The following FRY variants were observed in gnomAD, a reference collection of about 807,000 sequenced individuals.
FRY encodes FRY microtubule binding protein, also known as protein furry homolog.
In FRY, 128 loss-of-function variants were observed where a neutral mutation model predicts 348.4. The observed-to-expected ratio is 0.37, with a 90% confidence interval of 0.32 to 0.43. The LOEUF (loss-of-function observed/expected upper bound fraction) is 0.43, where lower values mean the gene tolerates loss of function less well. Among genes scored for constraint, FRY ranks in the 20% least tolerant of loss-of-function variants. The pLI, the probability that FRY is intolerant of heterozygous loss-of-function variation, is 1.00. For synonymous variants in FRY, 1,370 were observed against 1,374.7 expected, an observed-to-expected ratio of 1.00 and a Z score of 0.08; for missense variants, 2,736 against 3,695.2, an observed-to-expected ratio of 0.74 and a Z score of 6.73.
chr13:32,269,462 G>A (rs12874378), intron 55 of FRY, among the ~76,000 whole-genome samples: 72,826 of 152,090 alleles, frequency 0.48, 19,121 homozygotes, highest in Middle Eastern at 0.67. Context: ...AGGCCGAGGT[G>A]GGAGGACCAC....
At chr13:32,135,249 A>C (rs2138775609) in intron 10 of FRY, 66 bp downstream of exon 10, 1 of 1,003,980 alleles carries the variant, frequency 1.0e-6, no homozygotes, top group South Asian at 1.3e-5. Flanking sequence ...CTAGACAGGA[A>C]TCTGTTTGAG....
intron 46 of FRY, among the ~76,000 whole-genome samples, chr13:32,242,004 A>G (rs898992592): frequency 3.9e-5 from 6 of 152,116 alleles, no homozygotes; most frequent in African/African-American, 1.4e-4. Context: ...CTGTGTGTGT[A>G]TATTTCTATG....
At chr13:32,066,326 A>G (rs527667407) in intron 1 of FRY, among the ~76,000 whole-genome samples, 8 of 152,234 alleles carry the variant, frequency 5.3e-5, no homozygotes, top group Non-Finnish European at 1.0e-4. Flanking sequence ...ATGTTTTGAA[A>G]GCATGATGAA....
intron 1 of FRY, among the ~76,000 whole-genome samples, chr13:32,077,664 A>C (rs1293197358): frequency 6.6e-6 from 1 of 152,246 alleles, no homozygotes; most frequent in Non-Finnish European, 1.5e-5. Flanking sequence ...ACTTGGCTTG[A>C]GACAGAAAGA....
chr13:32,278,916 A>G (rs1888679374), intron 58 of FRY, among the ~76,000 whole-genome samples: 1 of 152,220 alleles, frequency 6.6e-6, no homozygotes, highest in Admixed American at 6.5e-5. Context: ...TCAACCTTTC[A>G]GCAGTCACTC....
chr13:32,280,882 G>A (rs1395131745), intron 58 of FRY, among the ~76,000 whole-genome samples: 6 of 152,130 alleles, frequency 3.9e-5, no homozygotes, highest in African/African-American at 7.2e-5. Context: ...TTTAAAATAC[G>A]TATTTCTGTT....
intron 58 of FRY, among the ~76,000 whole-genome samples, chr13:32,289,129 A>G (rs1889213354): frequency 6.6e-6 from 1 of 152,188 alleles, no homozygotes; most frequent in Non-Finnish European, 1.5e-5. Flanking sequence ...TCTTTAATTC[A>G]ACAAGTATTT....
rs1271937940 is a variant in FRY at position 32,236,059 on chromosome 13, A to G, written c.5716-19A>G. On this transcript the variant is annotated intron_variant, in intron 42 of 60. Coordinates refer to ENST00000542859, the MANE Select transcript of FRY (RefSeq NM_023037.3). The stretch of plus-strand genomic sequence containing the variant: ...ATGGTTACAAGCAATACAAAATGCT[A>G]TCTTTGCATGTTTGGCAGGGTTATG... The G allele has an allele frequency of 1.3e-6, 2 of 1,556,202 alleles. No individual in the cohort carries two copies. The highest frequency in any genetic ancestry group is 2.2e-5 in the East Asian group (1 of 44,594).
chr13:32,159,449 T>C (rs1881319496), intron 16 of FRY, among the ~76,000 whole-genome samples: 1 of 152,110 alleles, frequency 6.6e-6, no homozygotes, highest in African/African-American at 2.4e-5. Context: ...CTTTTGTGGT[T>C]CATGCTAGTA....
chr13:32,078,670 A>G (rs1875269817), intron 1 of FRY, among the ~76,000 whole-genome samples, 164 bp from the exon 2 acceptor site: 1 of 152,230 alleles, frequency 6.6e-6, no homozygotes, highest in South Asian at 2.1e-4. Context: ...TATAATGAAA[A>G]TAATAAAATT....
intron 55 of FRY, among the ~76,000 whole-genome samples, chr13:32,268,915 T>G (rs1228433386): frequency 6.6e-6 from 1 of 152,152 alleles, no homozygotes; most frequent in Non-Finnish European, 1.5e-5. Flanking sequence ...TAGACAGAAC[T>G]CCCACGGATA....
At chr13:32,189,298 G>A (rs1219282984) in intron 28 of FRY, among the ~76,000 whole-genome samples, 1 of 151,950 alleles carries the variant, frequency 6.6e-6, no homozygotes, top group East Asian at 1.9e-4. Flanking sequence ...GTTCAGACAT[G>A]TTATAACAAG....
In FRY at chr13:32,195,391, G is replaced by C. The variant is rs982751053; in HGVS notation, c.3746+1094G>C. 2.6e-4 allele frequency among the ~76,000 whole-genome samples: 40 copies of C among 152,034 alleles called. 1 individual carries two copies. Among genetic ancestry groups the C allele is most frequent in the Non-Finnish European group, 7.4e-5 (5 of 67,986 alleles). The stretch of plus-strand genomic sequence containing the variant: ...GGAACATTGTTACAAAAATCTCTTT[G>C]TCCAGAGTGCTTTTTTTTAAATTTT... On this transcript the variant is annotated intron_variant, in intron 29 of 60. Coordinates refer to ENST00000542859, the MANE Select transcript of FRY (RefSeq NM_023037.3).
intron 55 of FRY, among the ~76,000 whole-genome samples, chr13:32,267,938 C>T: frequency 6.6e-6 from 1 of 152,224 alleles, no homozygotes; most frequent in East Asian, 1.9e-4. Flanking sequence ...AGTCTAACTA[C>T]TGCCTCTCCC....
At chr13:32,099,467 T>C (rs1168626321) in intron 2 of FRY, among the ~76,000 whole-genome samples, 1 of 151,864 alleles carries the variant, frequency 6.6e-6, no homozygotes, top group East Asian at 1.9e-4. Flanking sequence ...GAATTAGCAA[T>C]ATATATTATT....
chr13:32,170,215 C>T (rs9315157), intron 17 of FRY, among the ~76,000 whole-genome samples: 18,286 of 152,182 alleles, frequency 0.12, 1,243 homozygotes, highest in East Asian at 0.26. Context: ...GTTCCTCATC[C>T]TTAAGAATAG....
At chr13:32,113,483 C>A (rs1208536013) in intron 3 of FRY, among the ~76,000 whole-genome samples, 1 of 152,192 alleles carries the variant, frequency 6.6e-6, no homozygotes, top group Non-Finnish European at 1.5e-5. Flanking sequence ...AACATTAAAA[C>A]ATTTACAAAG....
At chr13:32,048,934 T>TA (rs1381382854) in intron 1 of FRY, among the ~76,000 whole-genome samples, 3 of 152,294 alleles carry the variant, frequency 2.0e-5, no homozygotes, top group African/African-American at 4.8e-5. Flanking sequence ...ATTAAATGCT[T>TA]ACATGTGTAG....
Position 32,286,121 on chromosome 13 carries a change from G to T in FRY, c.8470-3512G>T, listed in dbSNP as rs1294558802. ...CTTGGAGGATAGGGTAGGGCTTGTT[G>T]GTGGCAGTCCTTTAATTACATTTGT... On this transcript the variant is annotated intron_variant, in intron 58 of 60. Coordinates refer to ENST00000542859, the MANE Select transcript of FRY (RefSeq NM_023037.3). 3.3e-5 allele frequency among the ~76,000 whole-genome samples: 5 copies of T among 152,150 alleles called. No individual in the cohort carries two copies. In the East Asian group the frequency reaches 5.8e-4, roughly 18 times the overall value.
Sources: allele counts gnomAD v4.1 joint callset (sites outside exome capture counted in the v4.1 genomes callset), GRCh38; gene constraint gnomAD v4.1.1; transcripts MANE v1.5; gene names NCBI Gene and HGNC (gene_info 2026-07-23, HGNC 2026-07-21).